MYL12A: variants seen among roughly 807,000 people sequenced by gnomAD.
MYL12A encodes the protein myosin light chain 12A.
Under a neutral mutation model 13.3 loss-of-function variants are expected in MYL12A, and 11 were observed. The ratio of observed to expected loss-of-function variants is 0.83; its 90% confidence interval spans 0.52 to 1.37. MYL12A has a LOEUF of 1.37. MYL12A is among the 40% of genes most tolerant of loss of function. The pLI is 0.00. For missense variants in MYL12A, 146 were observed against 212.3 expected (o/e 0.69, Z 1.94); for synonymous variants, 51 against 69.9 (o/e 0.73, Z 1.35).
At position 3,253,160 on chromosome 18, in the gene MYL12A, TC is replaced by T. The variant is rs2081503389; in HGVS notation, c.-15-72del. 41 of 1,479,802 alleles carry T rather than the reference TC, an allele frequency of 2.8e-5. No homozygotes were observed. In the South Asian group the frequency reaches 5.1e-4, roughly 19 times the overall value. 91.7% of individuals were successfully genotyped at this position (1,479,802 alleles called of 1,614,324 possible). A position where few individuals can be genotyped will look rare whatever the true frequency, so the allele number is the denominator to read the frequency against. On this transcript the variant is annotated intron_variant, in intron 1 of 3. Transcript: ENST00000217652. ...AGTTGGTTCTGTGTACTTTTGTTAATCATTGTTTTGATTCAAACTTAAGTAA... is the reference window on the plus strand; with the variant it reads ...AGTTGGTTCTGTGTACTTTTGTTAATATTGTTTTGATTCAAACTTAAGTAA...
intron 1 of MYL12A, among the ~76,000 whole-genome samples, chr18:3,250,874 A>G (rs562429218): frequency 6.6e-6 from 1 of 152,330 alleles, no homozygotes; most frequent in African/African-American, 2.4e-5. Context: ...TTTTAAGTTT[A>G]GAGTCATACT....
chr18:3,250,363 T>C (rs2081472968), intron 1 of MYL12A, among the ~76,000 whole-genome samples: 1 of 147,870 alleles, frequency 6.8e-6, no homozygotes, highest in African/African-American at 2.5e-5. Flanking sequence ...AACAACAAAC[T>C]AGAATCAGCA....
At chr18:3,255,625 T>C in intron 3 of MYL12A, 121 bp from the exon 4 acceptor site, 2 of 1,261,024 alleles carry the variant, frequency 1.6e-6, no homozygotes, top group Non-Finnish European at 2.1e-6. Flanking sequence ...CACCCTGTAG[T>C]TCATATATTT....
At chr18:3,255,684 T>C in intron 3 of MYL12A, 62 bp from the exon 4 acceptor site, 4 of 1,538,878 alleles carry the variant, frequency 2.6e-6, no homozygotes, top group Admixed American at 4.3e-5. Flanking sequence ...CAAGTATAGA[T>C]ATTCTTTGTA....
At chr18:3,254,797 G>A (rs6506090) in intron 3 of MYL12A, among the ~76,000 whole-genome samples, 122,268 of 152,298 alleles carry the variant, frequency 0.8, 49,678 homozygotes, top group East Asian at 0.94. Context: ...GTGATTCCCA[G>A]CTCAACATGG....
intron 1 of MYL12A, chr18:3,249,698 A>C (rs2081465273): frequency 6.6e-6 from 1 of 152,236 alleles, no homozygotes; most frequent in African/African-American, 2.4e-5. Flanking sequence ...TCACGAAGTC[A>C]GGAGTTCAAG....
Position 3,253,414 on chromosome 18 carries a change from T to C in MYL12A, c.167T>C (p.Met56Thr), listed in dbSNP as rs760987492. Reference sequence around the variant, plus strand: ...ATCGACAAGGAAGATTTGCATGATATGCTTGCTTCATTGGGTAATGCTCAG... The same window carrying C: ...ATCGACAAGGAAGATTTGCATGATACGCTTGCTTCATTGGGTAATGCTCAG... ...GFIDKEDLHD[M>T]LASLGKNPTD... The change falls in exon 2 of 4, where the codon ATG (methionine) becomes ACG (threonine). Residue 56 changes from methionine (M) to threonine (T), a missense_variant. Coordinates refer to ENST00000217652, the MANE Select transcript of MYL12A (RefSeq NM_006471.4). 6.8e-6 allele frequency: 11 copies of C among 1,613,438 alleles called. No homozygotes were observed. Among genetic ancestry groups the C allele is most frequent in the Non-Finnish European group, 9.3e-6 (11 of 1,179,638 alleles).
chr18:3,248,250 A>C (rs2081450367), intron 1 of MYL12A: 1 of 150,250 alleles, frequency 6.7e-6, no homozygotes, highest in African/African-American at 2.4e-5. Context: ...TTGCGCAAAA[A>C]CGTAGCCCGT....
At chr18:3,250,319 T>A (rs1361492492) in intron 1 of MYL12A, among the ~76,000 whole-genome samples, 1 of 152,108 alleles carries the variant, frequency 6.6e-6, no homozygotes, top group Non-Finnish European at 1.5e-5. Context: ...ACATGAAGAG[T>A]GACAGTCTAA....
chr18:3,252,710 T>A (rs2081498166), intron 1 of MYL12A, among the ~76,000 whole-genome samples: 1 of 152,214 alleles, frequency 6.6e-6, no homozygotes, highest in South Asian at 2.1e-4. Context: ...AACAAATAGT[T>A]TTTTTGAACT....
intron 3 of MYL12A, 64 bp downstream of exon 3, chr18:3,254,114 A>G (rs776907676): frequency 3.9e-6 from 6 of 1,538,008 alleles, no homozygotes; most frequent in Non-Finnish European, 3.5e-6. Flanking sequence ...ACTAAAATAT[A>G]CAGTAACTTA....
At chr18:3,254,259 T>C (rs963082130) in intron 3 of MYL12A, among the ~76,000 whole-genome samples, 3 of 152,218 alleles carry the variant, frequency 2.0e-5, no homozygotes, top group Non-Finnish European at 4.4e-5. Context: ...TGAAACCTCA[T>C]TGGGAAGCTT....
intron 3 of MYL12A, 87 bp from the exon 4 acceptor site, chr18:3,255,659 C>A: frequency 1.4e-6 from 2 of 1,429,608 alleles, no homozygotes; most frequent in South Asian, 1.4e-5. Flanking sequence ...TTGTAACATA[C>A]AGAACATGCT....
intron 1 of MYL12A, chr18:3,252,207 A>T: frequency 1.3e-6 from 1 of 772,530 alleles, no homozygotes; most frequent in Admixed American, 2.8e-5. Context: ...TCCTGGTCAG[A>T]GTGAAATCAG....
At chr18:3,251,378 T>TC (rs2081484122) in intron 1 of MYL12A, among the ~76,000 whole-genome samples, 1 of 152,202 alleles carries the variant, frequency 6.6e-6, no homozygotes. Flanking sequence ...CTCATCAGTT[T>TC]CTTTGTTCTT....
intron 1 of MYL12A, chr18:3,252,340 T>C (rs779442275): frequency 6.5e-7 from 1 of 1,533,316 alleles, no homozygotes; most frequent in South Asian, 1.2e-5. Flanking sequence ...GGTAGAATTT[T>C]ATTGTCTGAT....
intron 1 of MYL12A, chr18:3,248,776 T>G (rs186639775): frequency 6.6e-6 from 1 of 152,324 alleles, no homozygotes; most frequent in African/African-American, 2.4e-5. Flanking sequence ...GTGAGAACTT[T>G]TGGGTGTGGC....
chr18:3,253,000 G>C (rs2081501504), intron 1 of MYL12A, among the ~76,000 whole-genome samples: 1 of 151,898 alleles, frequency 6.6e-6, no homozygotes, highest in Non-Finnish European at 1.5e-5. Flanking sequence ...TTTGCTTCTT[G>C]GTTTTTTATT....
chr18:3,253,839 T>G (rs1343294458), intron 2 of MYL12A, 50 bp from the exon 3 acceptor site: 1 of 1,516,626 alleles, frequency 6.6e-7, no homozygotes, highest in Non-Finnish European at 9.0e-7. Flanking sequence ...CATTAATAGT[T>G]GATATGTATT....
Sources: gnomAD v4.1 joint callset for allele counts (sites outside exome capture counted in the v4.1 genomes callset) on GRCh38, gnomAD v4.1.1 for gene constraint, MANE v1.5 for transcripts, NCBI Gene and HGNC (gene_info 2026-07-23, HGNC 2026-07-21) for gene names.